TOE1: variants seen among roughly 807,000 people sequenced by gnomAD.
TOE1 encodes the protein target of EGR1, exonuclease.
Under a neutral mutation model 49.2 loss-of-function variants are expected in TOE1, and 50 were observed. The observed-to-expected ratio is 1.02, with a 90% CI of 0.81 to 1.29. The LOEUF is 1.29. Among genes scored for constraint, TOE1 ranks in the 50% most tolerant of loss-of-function variants. The pLI is 0.00. For synonymous variants in TOE1, 221 were observed against 247.0 expected (o/e 0.89, Z 0.99); for missense variants, 544 against 654.4 (o/e 0.83, Z 1.84).
At position 45,341,344 on chromosome 1, in the gene TOE1, G is replaced by GT. The variant is rs1646954979; in HGVS notation, c.236+2dup. ...GGGACAGGAAGAGTTTGCTGAACCAGTAAGTATAAGCCCTTTTCTCTTTAG... is the reference window on the plus strand; with the variant it reads ...GGGACAGGAAGAGTTTGCTGAACCAGTTAAGTATAAGCCCTTTTCTCTTTAG... On this transcript the variant is annotated splice_donor_variant, in intron 3 of 7. Coordinates refer to ENST00000372090, the MANE Select transcript of TOE1 (RefSeq NM_025077.4). LOFTEE classifies it high-confidence loss of function. 1.2e-6 allele frequency: 2 copies of GT among 1,614,046 alleles called. No homozygotes were observed. Among genetic ancestry groups the GT allele is most frequent in the African/African-American group, 2.7e-5 (2 of 74,904 alleles).
chr1:45,341,077 T>C lies in TOE1; in HGVS notation c.57T>C (p.Gly19=), dbSNP rs2149254188. Residue 19 remains glycine, a synonymous_variant, in exon 2 of 8, where the codon GGT becomes GGC. Coordinates refer to ENST00000372090, the MANE Select transcript of TOE1 (RefSeq NM_025077.4). ...CATCACCCTCCTAACCCCCAGGTGG[T>C]GTCAGCAAAAGCACAACATCTGGGG... ...AVSAPAASDG[G]VSKSTTSGEE... 6.2e-7 allele frequency: 1 copy of C among 1,614,176 alleles called. No individual in the cohort carries two copies. The highest frequency in any genetic ancestry group is 8.5e-7 in the Non-Finnish European group (1 of 1,180,030).
In TOE1 at chr1:45,342,537, G is replaced by A. The variant is rs1049616324; in HGVS notation, c.646G>A (p.Ala216Thr). The change falls in exon 6 of 8, where the codon GCT (alanine) becomes ACT (threonine). Residue 216 changes from alanine (A) to threonine (T), a missense_variant. By Grantham distance (58) the Ala-to-Thr change is moderately conservative. Coordinates refer to ENST00000372090, the MANE Select transcript of TOE1 (RefSeq NM_025077.4). ...CCCTGAGAGTCTGGGAACCTTCACC[G>A]CTGACCTGTGTGAGATGTTCCCAGC... ...HLPESLGTFT[A>T]DLCEMFPAGI... The A allele has an allele frequency of 1.2e-6, 2 of 1,614,134 alleles. No homozygotes were observed. The highest frequency in any genetic ancestry group is 2.2e-5 in the East Asian group (1 of 44,884).
intron 1 of TOE1, among the ~76,000 whole-genome samples, 179 bp from the exon 2 acceptor site, chr1:45,340,894 A>G (rs1006118734): frequency 6.6e-6 from 1 of 152,114 alleles, no homozygotes; most frequent in Non-Finnish European, 1.5e-5. Context: ...CCTCTCCCCA[A>G]ATTCAGGGCA....
intron 5 of TOE1, 51 bp from the exon 6 acceptor site, chr1:45,342,333 G>A: frequency 6.3e-7 from 1 of 1,594,282 alleles, no homozygotes; most frequent in South Asian, 1.1e-5. Flanking sequence ...CAGCAGAAGA[G>A]GCTCCCTGGG....
At position 45,341,296 on chromosome 1, in the gene TOE1, C is replaced by T. The variant is rs1307908435; in HGVS notation, c.196-7C>T. 1.2e-6 allele frequency: 2 copies of T among 1,614,052 alleles called. No homozygotes were observed. Among genetic ancestry groups the T allele is most frequent in the Non-Finnish European group, 8.5e-7 (1 of 1,180,024 alleles). On this transcript the variant is annotated splice_polypyrimidine_tract_variant and splice_region_variant and intron_variant, in intron 2 of 7. Coordinates refer to ENST00000372090, the MANE Select transcript of TOE1 (RefSeq NM_025077.4). ...CCTGTCACAACTCTCCCTTTACCTA[C>T]CCACAGGAGCTGAGTGGGCTTGGGG...
chr1:45,341,591 A>G (rs1255756926), intron 4 of TOE1, 22 bp downstream of exon 4: 3 of 1,601,958 alleles, frequency 1.9e-6, no homozygotes, highest in Middle Eastern at 1.7e-4. Flanking sequence ...TCTCACCCCA[A>G]TCCTAGGTGT....
At position 45,340,415 on chromosome 1, in the gene TOE1, G is replaced by C; in HGVS notation, c.52+111G>C. 2.6e-6 allele frequency: 4 copies of C among 1,531,748 alleles called. No individual in the cohort carries two copies. The South Asian group carries it at 3.6e-5, about 14-fold the overall frequency. 94.9% of individuals were successfully genotyped at this position (1,531,748 alleles called of 1,614,324 possible). The stretch of plus-strand genomic sequence containing the variant: ...CAAGCTTCAGAGGACTGCTCCTTCC[G>C]CCTGAACTAGCCACGAGGAGACTAC... On this transcript the variant is annotated intron_variant, in intron 1 of 7. Transcript: ENST00000372090.
chr1:45,342,832 C>T lies in TOE1; in HGVS notation c.753-11C>T, dbSNP rs1053467201. The T allele has an allele frequency of 9.3e-6, 15 of 1,613,902 alleles. No individual in the cohort carries two copies. Among genetic ancestry groups the T allele is most frequent in the African/African-American group, 1.3e-5 (1 of 75,008 alleles). On this transcript the variant is annotated splice_polypyrimidine_tract_variant and intron_variant, in intron 6 of 7. Coordinates refer to ENST00000372090, the MANE Select transcript of TOE1 (RefSeq NM_025077.4). ...ATGCTAGTGGACCATTACCCTCTTG[C>T]GCTGTTGCAGTGAACGGGAAAATGG...
chr1:45,342,306 A>T (rs1647045256), intron 5 of TOE1, 78 bp from the exon 6 acceptor site: 5 of 1,564,924 alleles, frequency 3.2e-6, no homozygotes, highest in Non-Finnish European at 4.3e-6. Flanking sequence ...CAAGTGGGGA[A>T]GTCTGGGATA....
At position 45,341,125 on chromosome 1, in the gene TOE1, C is replaced by CG; in HGVS notation, c.106dup (p.Val36GlyfsTer24). 1 of 1,614,132 alleles carries CG rather than the reference C, an allele frequency of 6.2e-7. No homozygotes were observed. The highest frequency in any genetic ancestry group is 1.3e-5 in the African/African-American group (1 of 75,016). ...GGGAGGAGCTAGTAGTCCAGGTTCC[C>CG]GTAGTGGATGTGCAAAGCAACAACT... On this transcript the variant is annotated frameshift_variant, in exon 2 of 8. Coordinates refer to ENST00000372090, the MANE Select transcript of TOE1 (RefSeq NM_025077.4). LOFTEE classifies it high-confidence loss of function.
Position 45,342,940 on chromosome 1 carries a change from CGCT to C in TOE1, c.856_858del (p.Cys286del). The C allele has an allele frequency of 6.2e-7, 1 of 1,613,816 alleles. No individual in the cohort carries two copies. Among genetic ancestry groups the C allele is most frequent in the African/African-American group, 1.3e-5 (1 of 74,908 alleles). ...CAGCATGAGGGACCATATTGATTAC[CGCT>C]GCTGCCTGCCCCCAGCAACCCACCG... On this transcript the variant is annotated inframe_deletion, in exon 7 of 8. Coordinates refer to ENST00000372090, the MANE Select transcript of TOE1 (RefSeq NM_025077.4).
chr1:45,342,101 T>C lies in TOE1; in HGVS notation c.486T>C (p.Asn162=), dbSNP rs1321519259. The C allele has an allele frequency of 3.7e-6, 6 of 1,613,836 alleles. No individual in the cohort carries two copies. Among genetic ancestry groups the C allele is most frequent in the Admixed American group, 1.7e-5 (1 of 60,008 alleles). The change falls in exon 5 of 8, where the codon AAT becomes AAC. Residue 162 remains asparagine (N), a synonymous_variant. Coordinates refer to ENST00000372090, the MANE Select transcript of TOE1 (RefSeq NM_025077.4). ...AAGGCATCCCCTACCATAAGGGCAA[T>C]GACAAGGTAGGCCTCTAGCCTCCCT... ...YAQGIPYHKG[N]DKGDESQSQS...
chr1:45,342,301 G>A (rs1570619913), intron 5 of TOE1, 83 bp from the exon 6 acceptor site: 1 of 1,558,882 alleles, frequency 6.4e-7, no homozygotes, highest in Non-Finnish European at 8.7e-7. Context: ...CGTTCCAAGT[G>A]GGGAAGTCTG....
Position 45,343,225 on chromosome 1 carries a change from A to G in TOE1, c.1056A>G (p.Leu352=), listed in dbSNP as rs779464129. 8.7e-6 allele frequency: 14 copies of G among 1,613,860 alleles called. No homozygotes were observed. The highest frequency in any genetic ancestry group is 1.7e-5 in the Admixed American group (1 of 59,994). ...REKRKRALLN[L]PGTQTSGEAK... ...AACGGAAGAGGGCTTTATTGAACCT[A>G]CCGGGGACACAGACCTCTGGGGAAG... The change falls in exon 8 of 8, where the codon CTA becomes CTG. Residue 352 remains leucine (L), a synonymous_variant. Coordinates refer to ENST00000372090, the MANE Select transcript of TOE1 (RefSeq NM_025077.4). The surrounding 1 kb of genome is among the most constrained non-coding windows in gnomAD (Gnocchi z 4.3).
Position 45,340,461 on chromosome 1 carries a change from G to C in TOE1, c.52+157G>C, listed in dbSNP as rs538738220. On this transcript the variant is annotated intron_variant, in intron 1 of 7. Transcript: ENST00000372090. ...ACTACAAGTTCCGTTGTACACCGCG[G>C]CTCCGGCTGCAAAAGCCTGGAGCGT... The C allele has an allele frequency of 8.1e-6, 12 of 1,475,994 alleles. No homozygotes were observed. In the African/African-American group the frequency reaches 1.7e-4, roughly 21 times the overall value. The allele number at this position is 1,475,994 out of a possible 1,614,324, so 91.4% of individuals were successfully genotyped here. A position where few individuals can be genotyped will look rare whatever the true frequency, so the allele number is the denominator to read the frequency against.
At chr1:45,340,933 C>T in intron 1 of TOE1, 140 bp from the exon 2 acceptor site, 9 of 1,223,794 alleles carry the variant, frequency 7.4e-6, no homozygotes, top group Non-Finnish European at 1.0e-5. Context: ...GTGTGTAGAA[C>T]ACGTGGGTTA....
rs1647087040 is a variant in TOE1 at position 45,343,447 on chromosome 1, A to G, written c.1278A>G (p.Gln426=). 1.9e-6 allele frequency: 3 copies of G among 1,614,174 alleles called. No individual in the cohort carries two copies. The highest frequency in any genetic ancestry group is 2.5e-6 in the Non-Finnish European group (3 of 1,180,040). ...CTACCTCAGAAGTGCCAGGGAGCCA[A>G]GCCAGTCCTAACCCAGTGCCTGGGG... ...DRATSEVPGS[Q]ASPNPVPGDG... is the part of the protein sequence containing the mutation. Residue 426 remains glutamine (Q), a synonymous_variant, in exon 8 of 8, where the codon CAA becomes CAG. Coordinates refer to ENST00000372090, the MANE Select transcript of TOE1 (RefSeq NM_025077.4). This position sits in a 1 kb window ranked among gnomAD's most constrained non-coding sequence, Gnocchi z 4.3.
Position 45,342,445 on chromosome 1 carries a change from G to C in TOE1, c.554G>C (p.Arg185Pro). 1 of 1,614,106 alleles carries C rather than the reference G, an allele frequency of 6.2e-7. No individual in the cohort carries two copies. Among genetic ancestry groups the C allele is most frequent in the Non-Finnish European group, 8.5e-7 (1 of 1,180,030 alleles). ...TTCCTGGAGCTAATCCGAGCCCGCC[G>C]GCCCCTGGTGCTACACAATGGCCTT... ...TLFLELIRARRPLVLHNGLID... is the reference protein window; with the variant it reads ...TLFLELIRARPPLVLHNGLID... Residue 185 changes from arginine to proline, a missense_variant, in exon 6 of 8, where the codon CGG becomes CCG. Transcript: ENST00000372090.
In TOE1 at chr1:45,341,100, G is replaced by T. The variant is rs1472369149; in HGVS notation, c.80G>T (p.Gly27Val). ...GGTGTCAGCAAAAGCACAACATCTG[G>T]GGAGGAGCTAGTAGTCCAGGTTCCC... ...DGGVSKSTTS[G>V]EELVVQVPVV... Residue 27 changes from glycine (G) to valine (V), a missense_variant, in exon 2 of 8, where the codon GGG becomes GTG. Transcript: ENST00000372090. The T allele has an allele frequency of 1.2e-6, 2 of 1,614,200 alleles. No individual in the cohort carries two copies. The highest frequency in any genetic ancestry group is 2.2e-5 in the South Asian group (2 of 91,070).
Sources: allele counts gnomAD v4.1 joint callset (sites outside exome capture counted in the v4.1 genomes callset), GRCh38; gene constraint gnomAD v4.1.1; non-coding constraint Gnocchi (gnomAD v3.1); transcripts MANE v1.5; gene names NCBI Gene and HGNC (gene_info 2026-07-23, HGNC 2026-07-21).